LRP1B: variants seen among roughly 807,000 people sequenced by gnomAD.
LRP1B encodes low-density lipoprotein receptor-related protein 1B.
Under a neutral mutation model 556.6 loss-of-function variants are expected in LRP1B, and 217 were observed. The observed-to-expected ratio is 0.39, with a 90% confidence interval of 0.35 to 0.44. LRP1B has a LOEUF of 0.44. LRP1B is among the 20% of genes least tolerant of loss of function. The pLI, the probability that LRP1B is intolerant of heterozygous loss-of-function variation, is 1.00. For missense variants in LRP1B, 5,053 were observed against 5,620.8 expected, an observed-to-expected ratio of 0.90 and a Z score of 3.23; for synonymous variants, 2,047 against 1,865.8, an observed-to-expected ratio of 1.10 and a Z score of -2.50.
At chr2:141,704,341 G>T (rs771233136) in intron 2 of LRP1B, among the ~76,000 whole-genome samples, 6 of 151,790 alleles carry the variant, frequency 4.0e-5, no homozygotes, top group Non-Finnish European at 8.8e-5. Context: ...CTCATGTAAG[G>T]GTGGTTTAAA....
At chr2:142,088,346 A>G (rs1196618593) in intron 1 of LRP1B, among the ~76,000 whole-genome samples, 1 of 152,184 alleles carries the variant, frequency 6.6e-6, no homozygotes, top group East Asian at 1.9e-4. Context: ...TCTGAACACT[A>G]TTAGTTGGTT....
intron 1 of LRP1B, among the ~76,000 whole-genome samples, chr2:142,114,783 T>A (rs114177439): frequency 0.043 from 6,555 of 152,204 alleles, 227 homozygotes; most frequent in Non-Finnish European, 0.058. Context: ...GAAGAGTAGC[T>A]GGTTAATGAT....
At chr2:140,652,079 G>A (rs1330569169) in intron 41 of LRP1B, among the ~76,000 whole-genome samples, 1 of 151,862 alleles carries the variant, frequency 6.6e-6, no homozygotes, top group Non-Finnish European at 1.5e-5. Flanking sequence ...GTAGCAGAAA[G>A]TCAAAAGGAA....
At chr2:141,983,286 C>T (rs780975556) in intron 1 of LRP1B, among the ~76,000 whole-genome samples, 3 of 152,108 alleles carry the variant, frequency 2.0e-5, no homozygotes, top group Non-Finnish European at 2.9e-5. Context: ...AATTGGTCCC[C>T]GCTACAGACT....
chr2:141,220,325 C>T (rs113462989), intron 6 of LRP1B, among the ~76,000 whole-genome samples: 7 of 152,052 alleles, frequency 4.6e-5, no homozygotes, highest in African/African-American at 1.7e-4. Flanking sequence ...GAAAGGATAT[C>T]AGAGCATGAA....
At chr2:140,938,163 A>T (rs1695285577) in intron 20 of LRP1B, among the ~76,000 whole-genome samples, 1 of 151,138 alleles carries the variant, frequency 6.6e-6, no homozygotes, top group African/African-American at 2.4e-5. Context: ...TCTACACAAT[A>T]AAATAACTGA....
At chr2:140,914,840 G>T (rs1694527560) in intron 21 of LRP1B, among the ~76,000 whole-genome samples, 1 of 152,144 alleles carries the variant, frequency 6.6e-6, no homozygotes, top group Non-Finnish European at 1.5e-5. Context: ...GTGTTGCAGA[G>T]AAAGAAGCCG....
intron 43 of LRP1B, among the ~76,000 whole-genome samples, chr2:140,559,088 T>C (rs1483775555): frequency 6.6e-6 from 1 of 152,170 alleles, no homozygotes; most frequent in African/African-American, 2.4e-5. Flanking sequence ...AAATATCTAA[T>C]TGGTTTATAG....
At chr2:140,897,983 T>G (rs988524269) in intron 23 of LRP1B, among the ~76,000 whole-genome samples, 1 of 152,072 alleles carries the variant, frequency 6.6e-6, no homozygotes, top group African/African-American at 2.4e-5. Context: ...GTTCTGTCCT[T>G]TTAGAGAACC....
At chr2:140,842,577 T>C (rs1246049091) in intron 29 of LRP1B, among the ~76,000 whole-genome samples, 1 of 152,150 alleles carries the variant, frequency 6.6e-6, no homozygotes, top group East Asian at 1.9e-4. Flanking sequence ...CATTTCTTCT[T>C]ATTTTTAGTT....
chr2:141,516,544 T>G (rs1007285940), intron 2 of LRP1B, among the ~76,000 whole-genome samples: 2 of 152,134 alleles, frequency 1.3e-5, no homozygotes, highest in African/African-American at 4.8e-5. Flanking sequence ...TCCAATATGA[T>G]TTGTTTTCAC....
intron 7 of LRP1B, among the ~76,000 whole-genome samples, chr2:141,110,864 T>G (rs952421617): frequency 5.3e-5 from 8 of 152,164 alleles, no homozygotes; most frequent in Admixed American, 2.0e-4. Flanking sequence ...ATCTTAAAAT[T>G]TTCAACTTAA....
intron 2 of LRP1B, among the ~76,000 whole-genome samples, chr2:141,652,266 G>T (rs1317521234): frequency 1.3e-5 from 2 of 152,220 alleles, no homozygotes; most frequent in African/African-American, 4.8e-5. Context: ...CAGAAATTTG[G>T]TTCCAGAAAA....
chr2:140,994,370 T>C (rs1051313790), intron 15 of LRP1B, among the ~76,000 whole-genome samples: 3 of 142,298 alleles, frequency 2.1e-5, no homozygotes, highest in African/African-American at 2.6e-5. Flanking sequence ...CCATTATATA[T>C]GTAGGTTGGT....
At chr2:141,971,051 A>G (rs542536153) in intron 1 of LRP1B, among the ~76,000 whole-genome samples, 1 of 151,618 alleles carries the variant, frequency 6.6e-6, no homozygotes, top group Admixed American at 6.6e-5. Context: ...CTGTGCTAGG[A>G]TTAGCAAGCC....
rs79316689 is a variant in LRP1B, at chr2:141,156,902, A to T, written c.1013+31519T>A. Among the ~76,000 whole-genome samples, 740 of 152,266 alleles carry T rather than the reference A, an allele frequency of 4.9e-3. 7 individuals are homozygous for T. Among genetic ancestry groups the T allele is most frequent in the African/African-American group, 0.017 (711 of 41,568 alleles). On this transcript the variant is annotated intron_variant, in intron 7 of 90. Coordinates refer to ENST00000389484, the MANE Select transcript of LRP1B (RefSeq NM_018557.3). ...TAATGTTTGCTAGAAAAACCCCAAC[A>T]TTAGTTATAATTTTGGGGTGGTAAA...
chr2:140,891,507 T>C (rs193238501), intron 23 of LRP1B, among the ~76,000 whole-genome samples: 8 of 152,316 alleles, frequency 5.3e-5, no homozygotes, highest in Admixed American at 3.3e-4. Context: ...GAGTTTTTAC[T>C]GTATTTTATG....
chr2:141,580,407 T>A (rs1429236463), intron 2 of LRP1B, among the ~76,000 whole-genome samples: 1 of 152,210 alleles, frequency 6.6e-6, no homozygotes, highest in Non-Finnish European at 1.5e-5. Flanking sequence ...AAATACATGA[T>A]CTCTAAATAA....
intron 1 of LRP1B, among the ~76,000 whole-genome samples, chr2:141,923,297 A>G (rs1204606712): frequency 6.6e-6 from 1 of 151,206 alleles, no homozygotes; most frequent in Non-Finnish European, 1.5e-5. Context: ...ATGTTATAAA[A>G]ATAATTTTTT....
Sources: allele counts gnomAD v4.1 joint callset (sites outside exome capture counted in the v4.1 genomes callset), GRCh38; gene constraint gnomAD v4.1.1; transcripts MANE v1.5; gene names NCBI Gene and HGNC (gene_info 2026-07-23, HGNC 2026-07-21).